Variants in TMCO5A observed in about 807,000 individuals in gnomAD.
TMCO5A encodes the protein transmembrane and coiled-coil domain-containing protein 5A.
In TMCO5A, 34 loss-of-function variants were observed where a neutral mutation model predicts 42.3. The observed-to-expected ratio is 0.80, with a 90% confidence interval of 0.61 to 1.07. TMCO5A has a LOEUF of 1.07. Among genes scored for constraint, TMCO5A ranks in the 50% least tolerant of loss-of-function variants. The probability of loss-of-function intolerance (pLI) is 0.00; values close to 1 mark genes in which losing one functional copy is unlikely to be tolerated. For missense variants in TMCO5A, 357 were observed against 327.9 expected, an observed-to-expected ratio of 1.09 and a Z score of -0.69; for synonymous variants, 131 against 115.6, an observed-to-expected ratio of 1.13 and a Z score of -0.86.
the TMCO5A span, among the ~76,000 whole-genome samples, chr15:38,034,467 A>C: frequency 1.3e-5 from 2 of 152,200 alleles, no homozygotes; most frequent in Non-Finnish European, 2.9e-5. Flanking sequence ...ATCGTGCTGC[A>C]TTATGGATTA....
downstream of TMCO5A, among the ~76,000 whole-genome samples, chr15:37,971,382 G>T (rs1890671207): frequency 6.6e-6 from 1 of 152,178 alleles, no homozygotes; most frequent in African/African-American, 2.4e-5. Flanking sequence ...AAGAGACCCT[G>T]GGCCCAGCCC....
chr15:37,990,021 A>G, the TMCO5A span, among the ~76,000 whole-genome samples: 3 of 152,090 alleles, frequency 2.0e-5, no homozygotes, highest in Non-Finnish European at 4.4e-5. Context: ...TTTTAAATCT[A>G]TTGAGACTTA....
the TMCO5A span, among the ~76,000 whole-genome samples, chr15:37,981,917 G>C: frequency 6.6e-6 from 1 of 152,178 alleles, no homozygotes; most frequent in Non-Finnish European, 1.5e-5. Flanking sequence ...GGAGCAGCCT[G>C]CATTGGCCTT....
At chr15:37,957,522 A>C (rs900032049) in intron 11 of TMCO5A, among the ~76,000 whole-genome samples, 30 of 152,276 alleles carry the variant, frequency 2.0e-4, no homozygotes, top group South Asian at 1.5e-3. Context: ...ACCTAGGAAT[A>C]CAACTTACAA....
chr15:37,950,293 G>T lies in TMCO5A; in HGVS notation c.669-743G>T, dbSNP rs1890114545. Among the ~76,000 whole-genome samples the T allele has an allele frequency of 2.0e-5, 3 of 152,250 alleles. No individual in the cohort carries two copies. In the South Asian group the frequency reaches 6.2e-4, roughly 32 times the overall value. ...AATATAAGTATATTTCAGGTCTTGG[G>T]ATAGGGAATTTTTTTAAAAAGGACA... On this transcript the variant is annotated intron_variant, in intron 11 of 11. Transcript: ENST00000319669.
chr15:38,019,076 GC>G, the TMCO5A span, among the ~76,000 whole-genome samples: 9 of 152,194 alleles, frequency 5.9e-5, no homozygotes, highest in Non-Finnish European at 1.3e-4. Flanking sequence ...AAATAAAAGA[GC>G]CCCCAGAATG....
intron 11 of TMCO5A, among the ~76,000 whole-genome samples, chr15:37,957,866 C>A (rs534348725): frequency 6.6e-6 from 1 of 152,304 alleles, no homozygotes; most frequent in Non-Finnish European, 1.5e-5. Context: ...GTAACCAAAA[C>A]AGCATGGTAC....
At chr15:38,025,928 G>A in the TMCO5A span, among the ~76,000 whole-genome samples, 2,656 of 152,208 alleles carry the variant, frequency 0.017, 70 homozygotes, top group African/African-American at 0.059. Context: ...ATTTTCTCTT[G>A]CCGCTGCCAT....
At chr15:37,941,068 G>A (rs555873227) in intron 6 of TMCO5A, 81 bp from the exon 7 acceptor site, 69 of 1,398,524 alleles carry the variant, frequency 4.9e-5, no homozygotes, top group South Asian at 4.6e-4. Context: ...CTCACAGCTC[G>A]TGAGGCCACC....
Position 37,941,145 on chromosome 15 carries a change from T to C in TMCO5A, c.388-4T>C, listed in dbSNP as rs770241130. ...AAGTTAGCAGTCTCTTTTGCTTTCT[T>C]TAGGTTAAGTTACAACAGCTGGAAG... On this transcript the variant is annotated splice_polypyrimidine_tract_variant and splice_region_variant and intron_variant, in intron 6 of 11. Transcript: ENST00000319669. 6 of 1,613,110 alleles carry C rather than the reference T, an allele frequency of 3.7e-6. No homozygotes were observed. Among genetic ancestry groups the C allele is most frequent in the Admixed American group, 3.3e-5 (2 of 59,874 alleles).
chr15:38,024,286 G>A, the TMCO5A span, among the ~76,000 whole-genome samples: 1 of 152,204 alleles, frequency 6.6e-6, no homozygotes, highest in African/African-American at 2.4e-5. Flanking sequence ...CATCATGGCA[G>A]TCAACTCAGT....
chr15:38,016,400 G>A, the TMCO5A span, among the ~76,000 whole-genome samples: 2 of 152,062 alleles, frequency 1.3e-5, no homozygotes, highest in Non-Finnish European at 2.9e-5. Context: ...TGTGGGCAAT[G>A]GGGACTCCTC....
At chr15:37,969,245 C>A (rs771173912), downstream of TMCO5A, among the ~76,000 whole-genome samples, 4 of 152,152 alleles carry the variant, frequency 2.6e-5, no homozygotes. Context: ...TACTGAAGGA[C>A]TAAAAACATT....
At position 37,942,179 on chromosome 15, in the gene TMCO5A, T is replaced by C. The variant is rs779229950; in HGVS notation, c.505-12T>C. The C allele has an allele frequency of 3.1e-6, 5 of 1,611,692 alleles. No individual in the cohort carries two copies. On this transcript the variant is annotated splice_polypyrimidine_tract_variant and intron_variant, in intron 8 of 11. Transcript: ENST00000319669. ...AAGTAGTAACTGTGGCTTTCTTTGT[T>C]TCTCTTTGAAGAAGTACCAGGAAAC... is the stretch of plus-strand genomic sequence containing the variant.
chr15:37,935,670 A>G (rs1889485189), intron 2 of TMCO5A, among the ~76,000 whole-genome samples: 1 of 152,284 alleles, frequency 6.6e-6, no homozygotes, highest in African/African-American at 2.4e-5. Flanking sequence ...AAAATACTCT[A>G]GAGTTACCAT....
At chr15:38,017,129 TA>T in the TMCO5A span, among the ~76,000 whole-genome samples, 2 of 152,152 alleles carry the variant, frequency 1.3e-5, no homozygotes, top group African/African-American at 4.8e-5. Flanking sequence ...AAAAAAATAC[TA>T]ATAAATATAC....
the TMCO5A span, among the ~76,000 whole-genome samples, chr15:38,010,841 C>T: frequency 2.6e-5 from 4 of 152,192 alleles, no homozygotes; most frequent in Non-Finnish European, 5.9e-5. Flanking sequence ...CAACCTCCGT[C>T]TCCCAGGTTC....
intron 6 of TMCO5A, among the ~76,000 whole-genome samples, chr15:37,938,834 G>T (rs1445335290): frequency 6.6e-6 from 1 of 151,880 alleles, no homozygotes; most frequent in Non-Finnish European, 1.5e-5. Context: ...ACTCTGCTTG[G>T]CATGTCTCTA....
chr15:38,032,761 A>C, the TMCO5A span, among the ~76,000 whole-genome samples: 1 of 152,084 alleles, frequency 6.6e-6, no homozygotes, highest in South Asian at 2.1e-4. Context: ...CATCATCACA[A>C]AACTCATTCT....
Sources: allele counts gnomAD v4.1 joint callset (sites outside exome capture counted in the v4.1 genomes callset), GRCh38; gene constraint gnomAD v4.1.1; transcripts MANE v1.5; gene names NCBI Gene and HGNC (gene_info 2026-07-23, HGNC 2026-07-21).